Variants in ART3 observed in about 807,000 individuals in gnomAD.
ART3 encodes the protein ADP-ribosyltransferase 3 (inactive), also known as ecto-ADP-ribosyltransferase 3.
A neutral mutation model predicts 48.5 loss-of-function variants in ART3; 49 were observed. The observed-to-expected ratio is 1.01, with a 90% CI of 0.80 to 1.28. The LOEUF (loss-of-function observed/expected upper bound fraction) is 1.28. Ranked by LOEUF, ART3 falls within the 50% of genes most tolerant of loss-of-function variation. The pLI is 0.00. For missense variants in ART3, 438 were observed against 454.3 expected (o/e 0.96, Z 0.33); for synonymous variants, 145 against 157.2 (o/e 0.92, Z 0.58).
intron 1 of ART3, among the ~76,000 whole-genome samples, chr4:76,057,541 A>G (rs1168040064): frequency 1.3e-5 from 2 of 152,202 alleles, no homozygotes; most frequent in Non-Finnish European, 2.9e-5. Context: ...ATGCTATCTA[A>G]CACTTATATA....
At chr4:76,017,179 T>TG (rs1482060932) in intron 1 of ART3, among the ~76,000 whole-genome samples, 1 of 151,910 alleles carries the variant, frequency 6.6e-6, no homozygotes, top group East Asian at 2.0e-4. Flanking sequence ...GGGAATGTGC[T>TG]GGGTCTCACC....
At chr4:76,076,641 C>T (rs1023382400) in intron 2 of ART3, among the ~76,000 whole-genome samples, 5 of 152,162 alleles carry the variant, frequency 3.3e-5, no homozygotes, top group African/African-American at 1.2e-4. Context: ...TACTATGCTG[C>T]ATGTCACGCA....
upstream of ART3, among the ~76,000 whole-genome samples, chr4:76,070,340 CTCA>C (rs1032563247): frequency 2.0e-5 from 3 of 152,170 alleles, no homozygotes; most frequent in African/African-American, 4.8e-5. Context: ...GCTCCATATT[CTCA>C]TCAACATTTT....
chr4:76,015,137 G>A (rs1271731474), intron 1 of ART3, among the ~76,000 whole-genome samples: 1 of 152,124 alleles, frequency 6.6e-6, no homozygotes, highest in Admixed American at 6.5e-5. Flanking sequence ...AACTATGTAG[G>A]TAATATAAAA....
intron 1 of ART3, among the ~76,000 whole-genome samples, chr4:76,053,914 G>T (rs904387540): frequency 1.3e-5 from 2 of 152,210 alleles, no homozygotes; most frequent in Admixed American, 6.5e-5. Context: ...GCCTTTAGTT[G>T]GCTGCCTGGA....
chr4:76,057,539 T>C (rs4484329), intron 1 of ART3, among the ~76,000 whole-genome samples: 88,634 of 151,570 alleles, frequency 0.58, 26,730 homozygotes, highest in East Asian at 0.94. Flanking sequence ...TAATGCTATC[T>C]AACACTTATA....
chr4:76,081,364 A>G (rs76720503), intron 2 of ART3, among the ~76,000 whole-genome samples: 16,850 of 152,240 alleles, frequency 0.11, 1,266 homozygotes, highest in East Asian at 0.34. Context: ...CCATATGGAC[A>G]AGGGAGGGGG....
intron 1 of ART3, chr4:76,034,450 C>G (rs1734158954): frequency 2.0e-6 from 1 of 490,358 alleles, no homozygotes; most frequent in Non-Finnish European, 3.5e-6. Context: ...CCTAGAAATG[C>G]ATGAATGTAT....
At chr4:76,022,910 C>A in intron 1 of ART3, 1 of 1,295,626 alleles carries the variant, frequency 7.7e-7, no homozygotes, top group Non-Finnish European at 1.1e-6. Flanking sequence ...ACCTATATCC[C>A]CATATCAGCA....
At chr4:76,091,740 G>A (rs1724950653) in intron 3 of ART3, among the ~76,000 whole-genome samples, 1 of 146,836 alleles carries the variant, frequency 6.8e-6, no homozygotes, top group African/African-American at 2.5e-5. Flanking sequence ...GGAGTACAGT[G>A]GCACAATTTT....
intron 1 of ART3, chr4:76,022,485 TA>T (rs1205599200): frequency 3.1e-6 from 5 of 1,594,458 alleles, no homozygotes; most frequent in Non-Finnish European, 4.3e-6. Context: ...TGAAAATATT[TA>T]AAACTGTGTT....
At chr4:76,018,906 T>A (rs960551436) in intron 1 of ART3, among the ~76,000 whole-genome samples, 1 of 152,048 alleles carries the variant, frequency 6.6e-6, no homozygotes, top group Non-Finnish European at 1.5e-5. Context: ...GCTGGCGTGG[T>A]GGCACATGCC....
upstream of ART3, among the ~76,000 whole-genome samples, chr4:76,073,574 CA>C (rs567956691): frequency 3.2e-3 from 485 of 151,610 alleles, 3 homozygotes; most frequent in Middle Eastern, 0.048. Flanking sequence ...TATGTGTGTA[CA>C]AAAAAAACAC....
chr4:76,036,789 G>T, intron 1 of ART3: 1 of 253,336 alleles, frequency 3.9e-6, no homozygotes, highest in South Asian at 5.7e-5. Flanking sequence ...TGGCAGCCAG[G>T]ACGTTGCTCA....
intron 1 of ART3, among the ~76,000 whole-genome samples, chr4:76,017,038 G>A (rs377433736): frequency 6.6e-6 from 1 of 152,098 alleles, no homozygotes; most frequent in African/African-American, 2.4e-5. Context: ...GGAATTGGGG[G>A]CCCAAGAGCC....
intron 3 of ART3, among the ~76,000 whole-genome samples, chr4:76,091,338 C>T (rs1174506484): frequency 6.6e-6 from 1 of 152,146 alleles, no homozygotes; most frequent in Admixed American, 6.5e-5. Flanking sequence ...TTCCAGAGTA[C>T]CTGTACCATT....
chr4:76,048,925 G>GT lies in ART3; in HGVS notation c.-9-26955dup, dbSNP rs1222465564. ...AAAGATCTTATGCCCCAAAAATGAAGTGGAGGGCCATACCCTGAGGGAGGG... is the reference window on the plus strand; with the variant it reads ...AAAGATCTTATGCCCCAAAAATGAAGTTGGAGGGCCATACCCTGAGGGAGGG... On this transcript the variant is annotated intron_variant, in intron 1 of 9. Coordinates refer to the ART3 transcript ENST00000341029. 2.0e-5 allele frequency among the ~76,000 whole-genome samples: 3 copies of GT among 152,064 alleles called. No homozygotes were observed. The East Asian group carries it at 5.8e-4, about 29-fold the overall frequency.
At chr4:76,065,171 A>G (rs1329072142) in intron 1 of ART3, among the ~76,000 whole-genome samples, 2 of 152,206 alleles carry the variant, frequency 1.3e-5, no homozygotes, top group Non-Finnish European at 2.9e-5. Context: ...TTTGCAAAGC[A>G]AAAATTGTGA....
intron 1 of ART3, chr4:76,036,018 C>CTGCTGGTGCTGT: frequency 1.2e-6 from 2 of 1,609,538 alleles, no homozygotes; most frequent in Non-Finnish European, 1.7e-6. Flanking sequence ...GCTGGTGCTG[C>CTGCTGGTGCTGT]TGCTGCTACT....
Sources: allele counts gnomAD v4.1 joint callset (sites outside exome capture counted in the v4.1 genomes callset), GRCh38; gene constraint gnomAD v4.1.1; transcripts MANE v1.5; gene names NCBI Gene and HGNC (gene_info 2026-07-23, HGNC 2026-07-21).